The following CHLSN variants were observed in gnomAD, a reference collection of about 807,000 sequenced individuals.
CHLSN encodes the protein protein cholesin.
the CHLSN span, among the ~76,000 whole-genome samples, chr7:1,031,106 G>T: frequency 6.6e-6 from 1 of 152,228 alleles, no homozygotes; most frequent in African/African-American, 2.4e-5. Context: ...GCAGGTCCTG[G>T]TCAGGAGGAG....
the CHLSN span, chr7:986,828 C>T: frequency 3.3e-6 from 5 of 1,493,434 alleles, no homozygotes; most frequent in South Asian, 6.7e-5. Flanking sequence ...TCCTTGAAGG[C>T]CTGTAGGGGT....
At chr7:1,039,106 A>G in the CHLSN span, among the ~76,000 whole-genome samples, 2 of 51,960 alleles carry the variant, frequency 3.8e-5, no homozygotes, top group African/African-American at 8.1e-5. Flanking sequence ...CCGGGAGGTG[A>G]GGGGCGCCTC....
chr7:1,019,624 C>T, the CHLSN span, among the ~76,000 whole-genome samples: 1 of 152,338 alleles, frequency 6.6e-6, no homozygotes, highest in East Asian at 1.9e-4. Context: ...GGGGAGGCTG[C>T]GCAGGCCTAG....
chr7:1,113,803 G>A, the CHLSN span, among the ~76,000 whole-genome samples: 2 of 152,162 alleles, frequency 1.3e-5, no homozygotes, highest in African/African-American at 4.8e-5. Context: ...GCCAGGCAAG[G>A]AGCGGTGCAG....
chr7:1,069,340 T>G, the CHLSN span, among the ~76,000 whole-genome samples: 3 of 150,630 alleles, frequency 2.0e-5, no homozygotes, highest in Admixed American at 2.0e-4. Context: ...CAAAAAACAA[T>G]AAATAGCTCT....
chr7:1,084,162 A>G, the CHLSN span, among the ~76,000 whole-genome samples: 1 of 152,210 alleles, frequency 6.6e-6, no homozygotes, highest in African/African-American at 2.4e-5. Context: ...CCCCACACAC[A>G]GCTTCCTTGG....
At chr7:1,105,647 C>T in the CHLSN span, among the ~76,000 whole-genome samples, 1 of 151,606 alleles carries the variant, frequency 6.6e-6, no homozygotes, top group Admixed American at 6.5e-5. Context: ...CGAAGTCTCA[C>T]TCTGTCGCCC....
At chr7:1,136,307 AATAT>A in the CHLSN span, among the ~76,000 whole-genome samples, 128 of 118,232 alleles carry the variant, frequency 1.1e-3, no homozygotes, top group Non-Finnish European at 1.8e-3. Flanking sequence ...AACATATATA[AATAT>A]ATATAAACAT....
chr7:1,010,900 C>G, the CHLSN span, among the ~76,000 whole-genome samples: 197 of 152,110 alleles, frequency 1.3e-3, no homozygotes, highest in African/African-American at 4.2e-3. Flanking sequence ...CGAGCAAGGC[C>G]AGGAGCCCAG....
the CHLSN span, among the ~76,000 whole-genome samples, chr7:1,057,114 G>A: frequency 1.3e-5 from 2 of 152,140 alleles, no homozygotes; most frequent in Non-Finnish European, 2.9e-5. Context: ...GCGCTGGCAA[G>A]ATGCGAACAC....
At chr7:1,015,245 G>T in the CHLSN span, among the ~76,000 whole-genome samples, 1 of 152,144 alleles carries the variant, frequency 6.6e-6, no homozygotes, top group African/African-American at 2.4e-5. Flanking sequence ...GGGAAGAGGC[G>T]TGGCCTCCCT....
At chr7:1,112,260 C>G in the CHLSN span, among the ~76,000 whole-genome samples, 1 of 152,322 alleles carries the variant, frequency 6.6e-6, no homozygotes, top group South Asian at 2.1e-4. Flanking sequence ...GTGAGGAAGG[C>G]CGGCGAGCCT....
chr7:1,114,556 A>G, the CHLSN span, among the ~76,000 whole-genome samples: 1 of 152,224 alleles, frequency 6.6e-6, no homozygotes, highest in Non-Finnish European at 1.5e-5. Context: ...TCGGCCGCTC[A>G]TGGCCTAACG....
the CHLSN span, among the ~76,000 whole-genome samples, chr7:996,250 A>G: frequency 6.6e-6 from 1 of 152,160 alleles, no homozygotes; most frequent in African/African-American, 2.4e-5. Context: ...CTGCTCTCAC[A>G]GGGTGAGGCC....
At chr7:1,010,215 C>G in the CHLSN span, 1 of 1,392,472 alleles carries the variant, frequency 7.2e-7, no homozygotes, top group Non-Finnish European at 9.7e-7. Context: ...CCTGGGGCTT[C>G]CCGAGCCCAC....
chr7:1,001,051 C>A, the CHLSN span, among the ~76,000 whole-genome samples: 1 of 152,208 alleles, frequency 6.6e-6, no homozygotes, highest in African/African-American at 2.4e-5. Flanking sequence ...AGGGCCACAA[C>A]CACCCCGCCC....
At chr7:1,026,529 TC>T in the CHLSN span, 1 of 152,154 alleles carries the variant, frequency 6.6e-6, no homozygotes, top group Admixed American at 6.5e-5. Context: ...GGCAGGCAGC[TC>T]CGGCAGGAGC....
the CHLSN span, among the ~76,000 whole-genome samples, chr7:1,096,290 C>T: frequency 6.6e-5 from 10 of 152,328 alleles, no homozygotes; most frequent in African/African-American, 1.4e-4. This position sits in a 1 kb window ranked among gnomAD's most constrained non-coding sequence, Gnocchi z 4.6. Flanking sequence ...GTGAAGCTGG[C>T]GGCGGCACTG....
the CHLSN span, among the ~76,000 whole-genome samples, chr7:1,119,514 T>C: frequency 6.6e-6 from 1 of 152,158 alleles, no homozygotes; most frequent in African/African-American, 2.4e-5. Context: ...CAAGTGTACT[T>C]CCCAGACACA....
Sources: gnomAD v4.1 joint callset for allele counts (sites outside exome capture counted in the v4.1 genomes callset) on GRCh38, gnomAD v4.1.1 for gene constraint, Gnocchi (gnomAD v3.1) non-coding constraint, MANE v1.5 for transcripts, NCBI Gene and HGNC (gene_info 2026-07-23, HGNC 2026-07-21) for gene names.